Variants in CRY1 observed in about 807,000 individuals in gnomAD.
CRY1 encodes cryptochrome-1.
A neutral mutation model predicts 76.0 loss-of-function variants in CRY1; 45 were observed. The observed-to-expected ratio is 0.59, with a 90% CI of 0.47 to 0.76. The LOEUF (loss-of-function observed/expected upper bound fraction) is 0.76, where lower values mean the gene tolerates loss of function less well. CRY1 is among the 30% of genes least tolerant of loss of function. The probability of loss-of-function intolerance (pLI) is 0.00; values close to 1 mark genes in which losing one functional copy is unlikely to be tolerated. For synonymous variants in CRY1, 248 were observed against 244.0 expected, an observed-to-expected ratio of 1.02 and a Z score of -0.15; for missense variants, 587 against 716.4, an observed-to-expected ratio of 0.82 and a Z score of 2.06.
At chr12:107,076,383 G>C (rs552942757) in intron 1 of CRY1, among the ~76,000 whole-genome samples, 1 of 152,146 alleles carries the variant, frequency 6.6e-6, no homozygotes, top group Non-Finnish European at 1.5e-5. Context: ...GGCTGAGGCA[G>C]GCAGATTGCT....
intron 1 of CRY1, among the ~76,000 whole-genome samples, chr12:107,060,691 C>G (rs1953035570): frequency 6.6e-6 from 1 of 152,104 alleles, no homozygotes; most frequent in Non-Finnish European, 1.5e-5. Flanking sequence ...CCTTTTAACT[C>G]TTTTTTAAAA....
chr12:107,009,469 G>A (rs1323275443), intron 2 of CRY1, among the ~76,000 whole-genome samples: 1 of 150,758 alleles, frequency 6.6e-6, no homozygotes, highest in Non-Finnish European at 1.5e-5. Flanking sequence ...AACCCGGGAG[G>A]TAGACGTTGC....
intron 2 of CRY1, among the ~76,000 whole-genome samples, chr12:107,007,810 G>A (rs771010350): frequency 2.5e-4 from 38 of 152,050 alleles, no homozygotes; most frequent in Admixed American, 7.9e-4. Flanking sequence ...GATTACAGAC[G>A]AGAGCCAATG....
chr12:107,019,853 A>C (rs892012974), intron 2 of CRY1, among the ~76,000 whole-genome samples: 1 of 152,076 alleles, frequency 6.6e-6, no homozygotes, highest in Non-Finnish European at 1.5e-5. Flanking sequence ...TAGGAGTTTG[A>C]GGCTGCAATG....
At chr12:107,068,404 T>A (rs1953138511) in intron 1 of CRY1, among the ~76,000 whole-genome samples, 1 of 152,110 alleles carries the variant, frequency 6.6e-6, no homozygotes, top group African/African-American at 2.4e-5. Flanking sequence ...TTTAAGCAAT[T>A]CCTGCCTCAG....
At chr12:107,005,487 A>T (rs1424856671) in intron 2 of CRY1, among the ~76,000 whole-genome samples, 7 of 152,236 alleles carry the variant, frequency 4.6e-5, no homozygotes, top group Admixed American at 2.6e-4. Flanking sequence ...TATGCTTAAA[A>T]CCAGCTCTTA....
chr12:107,001,403 C>A, intron 4 of CRY1, 35 bp from the exon 5 acceptor site: 1 of 1,532,434 alleles, frequency 6.5e-7, no homozygotes, highest in Non-Finnish European at 8.9e-7. Context: ...ATCATTCTTC[C>A]GAAACTAATT....
intron 1 of CRY1, among the ~76,000 whole-genome samples, chr12:107,040,623 T>C (rs991478104): frequency 1.3e-5 from 2 of 152,146 alleles, no homozygotes; most frequent in African/African-American, 4.8e-5. Context: ...TAGAACTTTG[T>C]GACTATAGTT....
chr12:107,085,104 C>T (rs1048197857), intron 1 of CRY1, among the ~76,000 whole-genome samples: 1 of 151,918 alleles, frequency 6.6e-6, no homozygotes, highest in Non-Finnish European at 1.5e-5. Flanking sequence ...CAAATCAAAA[C>T]CACAATGAGA....
Position 107,057,806 on chromosome 12 carries a change from T to C in CRY1, c.158+34998A>G, listed in dbSNP as rs555671042. On this transcript the variant is annotated intron_variant, in intron 1 of 12. Coordinates refer to ENST00000008527, the MANE Select transcript of CRY1 (RefSeq NM_004075.5). ...AGGACTGGTGGCTCACACCTGTAAC[T>C]GCAACACTTTGGAAGGCTGAGTCAA... 6.3e-4 allele frequency among the ~76,000 whole-genome samples: 96 copies of C among 152,072 alleles called. 1 individual carries two copies. The highest frequency in any genetic ancestry group is 1.0e-4 in the Non-Finnish European group (7 of 67,976).
rs576371918 is a variant in CRY1 at position 107,050,059 on chromosome 12, G to C, written c.159-27867C>G. 73 of 152,266 alleles carry C rather than the reference G, an allele frequency of 4.8e-4. 1 individual carries two copies. Among genetic ancestry groups the C allele is most frequent in the African/African-American group, 1.7e-3 (72 of 41,538 alleles). The allele number at this position is 152,266 out of a possible 1,614,324, so 9.4% of individuals were successfully genotyped here. ...AGGAAGTAAGGAGATAAAGAAAATG[G>C]AGTGGTTACAAAAGACAAAGTGGGG... On this transcript the variant is annotated intron_variant, in intron 1 of 12. Transcript: ENST00000008527.
rs1675765845 is a variant in CRY1, at chr12:107,084,134, G to A, written c.158+8670C>T. Among the ~76,000 whole-genome samples the A allele has an allele frequency of 2.0e-5, 3 of 152,052 alleles. 1 individual carries two copies. The South Asian group carries it at 6.2e-4, about 32-fold the overall frequency. The stretch of plus-strand genomic sequence containing the variant: ...AATCCAACTTACAAGGGATGTGAAG[G>A]ACCTCTTCAAGGAGAACTACAAACC... On this transcript the variant is annotated intron_variant, in intron 1 of 12. Transcript: ENST00000008527.
intron 1 of CRY1, among the ~76,000 whole-genome samples, chr12:107,044,359 C>G (rs7309618): frequency 6.6e-6 from 1 of 152,012 alleles, no homozygotes; most frequent in Non-Finnish European, 1.5e-5. Flanking sequence ...CAGCTGCTGC[C>G]GCCACAAAGT....
Position 107,093,085 on chromosome 12 carries a change from G to T in CRY1, c.-124C>A. 1 of 1,203,508 alleles carries T rather than the reference G, an allele frequency of 8.3e-7. No individual in the cohort carries two copies. Among genetic ancestry groups the T allele is most frequent in the Non-Finnish European group, 1.1e-6 (1 of 900,664 alleles). The allele number at this position is 1,203,508 out of a possible 1,614,324, so 74.6% of individuals were successfully genotyped here. On this transcript the variant is annotated 5_prime_UTR_variant, in exon 1 of 13. Transcript: ENST00000008527. ...GCGTGAGGAAAGGGCGGCAGAGGGG[G>T]AACAGGAAAAAATGACTCCGAGGAG...
At chr12:107,033,770 G>T (rs7973295) in intron 1 of CRY1, among the ~76,000 whole-genome samples, 105,813 of 150,638 alleles carry the variant, frequency 0.7, 38,117 homozygotes, top group East Asian at 0.97. Flanking sequence ...AGGGAAAACA[G>T]CATATGTAAT....
chr12:107,069,789 A>C (rs1041353416), intron 1 of CRY1, among the ~76,000 whole-genome samples: 1 of 148,424 alleles, frequency 6.7e-6, no homozygotes, highest in Non-Finnish European at 1.5e-5. Context: ...AAACTTCGAC[A>C]AATAAAACTG....
At chr12:107,006,521 A>G in intron 2 of CRY1, among the ~76,000 whole-genome samples, 1 of 152,212 alleles carries the variant, frequency 6.6e-6, no homozygotes, top group East Asian at 1.9e-4. Context: ...AAGCACATTC[A>G]AAATTCTGAT....
In CRY1 at chr12:106,997,967, A is replaced by G; in HGVS notation, c.1237T>C (p.Tyr413His). 1 of 1,614,136 alleles carries G rather than the reference A, an allele frequency of 6.2e-7. No homozygotes were observed. Among genetic ancestry groups the G allele is most frequent in the Non-Finnish European group, 8.5e-7 (1 of 1,179,990 alleles). Residue 413 changes from tyrosine (Y) to histidine (H), a missense_variant, in exon 8 of 13, where the codon TAT becomes CAT. Tyr to His is a moderately conservative substitution (Grantham distance 83, BLOSUM62 2). Transcript: ENST00000008527. ...SSFFQQFFHC[Y>H]CPVGFGRRTD... ...CTCCTACCAAAACCAACAGGGCAAT[A>G]GCAGTGAAAAAACTGTTGAAAAAAG...
intron 1 of CRY1, among the ~76,000 whole-genome samples, chr12:107,074,005 C>G (rs1364787464): frequency 2.0e-5 from 3 of 152,140 alleles, no homozygotes; most frequent in African/African-American, 7.2e-5. Flanking sequence ...TTCCTTTTAA[C>G]TTTGTTATGT....
Sources: gnomAD v4.1 joint callset for allele counts (sites outside exome capture counted in the v4.1 genomes callset) on GRCh38, gnomAD v4.1.1 for gene constraint, MANE v1.5 for transcripts, NCBI Gene and HGNC (gene_info 2026-07-23, HGNC 2026-07-21) for gene names.